PALM2AKAP2: variants seen among roughly 807,000 people sequenced by gnomAD.
The protein encoded by PALM2AKAP2 is PALM2 and AKAP2 fusion.
Under a neutral mutation model 71.5 loss-of-function variants are expected in PALM2AKAP2, and 37 were observed. That is an observed-to-expected ratio of 0.52 (90% CI 0.40 to 0.68). PALM2AKAP2 has a LOEUF of 0.68. PALM2AKAP2 is among the 30% of genes least tolerant of loss of function. The pLI is 0.00. For synonymous variants in PALM2AKAP2, 468 were observed against 478.8 expected (o/e 0.98, Z 0.29); for missense variants, 1,224 against 1,191.8 (o/e 1.03, Z -0.40).
intron 3 of PALM2AKAP2, among the ~76,000 whole-genome samples, chr9:109,909,007 C>T (rs140577658): frequency 3.3e-5 from 5 of 152,310 alleles, no homozygotes; most frequent in African/African-American, 1.2e-4. Flanking sequence ...ACTCAGAGAG[C>T]GTCACAGGGC....
chr9:110,006,408 G>T (rs1165085129), intron 6 of PALM2AKAP2, among the ~76,000 whole-genome samples: 3 of 140,564 alleles, frequency 2.1e-5, no homozygotes, highest in Non-Finnish European at 4.5e-5. Context: ...CTGTCATGCA[G>T]TGTTGCAAAC....
At chr9:109,785,063 A>G (rs1422294303) in intron 1 of PALM2AKAP2, among the ~76,000 whole-genome samples, 1 of 152,210 alleles carries the variant, frequency 6.6e-6, no homozygotes, top group East Asian at 1.9e-4. Context: ...AGAGGAAGAT[A>G]GTTTTCTTTG....
At chr9:109,837,930 G>T (rs561522055) in intron 1 of PALM2AKAP2, among the ~76,000 whole-genome samples, 128 of 152,160 alleles carry the variant, frequency 8.4e-4, no homozygotes, top group Non-Finnish European at 2.8e-4. Context: ...AATAATAATG[G>T]GAGACTTTAA....
chr9:110,165,977 T>A (rs1836724412), intron 3 of PALM2AKAP2, among the ~76,000 whole-genome samples: 1 of 152,226 alleles, frequency 6.6e-6, no homozygotes, highest in Non-Finnish European at 1.5e-5. Context: ...TTTAGAACTT[T>A]AGATTTATTT....
intron 6 of PALM2AKAP2, among the ~76,000 whole-genome samples, chr9:110,015,312 G>T (rs553328761): frequency 2.0e-5 from 3 of 152,262 alleles, no homozygotes; most frequent in African/African-American, 7.2e-5. Flanking sequence ...AGAAGAGTTC[G>T]TGGAGAAGAA....
chr9:109,940,227 G>T (rs1831327478), intron 6 of PALM2AKAP2, among the ~76,000 whole-genome samples: 1 of 152,168 alleles, frequency 6.6e-6, no homozygotes, highest in Admixed American at 6.5e-5. Context: ...ACCCTCAAAA[G>T]ATCCTAAAAA....
At chr9:110,086,739 A>G (rs1834583549) in intron 1 of PALM2AKAP2, among the ~76,000 whole-genome samples, 1 of 152,224 alleles carries the variant, frequency 6.6e-6, no homozygotes, top group South Asian at 2.1e-4. Context: ...TCCCTGTCCT[A>G]CAGAGTGTAT....
chr9:109,647,427 C>T (rs935357213), intron 1 of PALM2AKAP2, among the ~76,000 whole-genome samples: 1 of 152,178 alleles, frequency 6.6e-6, no homozygotes, highest in African/African-American at 2.4e-5. Flanking sequence ...ACATCCTTGT[C>T]CACACTGCAA....
chr9:109,709,641 G>A (rs1462165505), intron 1 of PALM2AKAP2, among the ~76,000 whole-genome samples: 1 of 152,146 alleles, frequency 6.6e-6, no homozygotes, highest in Non-Finnish European at 1.5e-5. Context: ...GCTGTCAGGG[G>A]CCCAGGCATG....
intron 2 of PALM2AKAP2, among the ~76,000 whole-genome samples, chr9:109,868,537 G>T (rs1829520312): frequency 6.6e-6 from 1 of 152,124 alleles, no homozygotes; most frequent in South Asian, 2.1e-4. Context: ...GAATTATCTA[G>T]ATTTTTTTCA....
chr9:109,977,223 C>A (rs1474841693), intron 6 of PALM2AKAP2, among the ~76,000 whole-genome samples: 2 of 152,192 alleles, frequency 1.3e-5, no homozygotes, highest in Non-Finnish European at 2.9e-5. Context: ...CCAGGGAATA[C>A]AAGTACAGGA....
chr9:109,851,200 C>CAA (rs1227678826), intron 1 of PALM2AKAP2, among the ~76,000 whole-genome samples: 11 of 46,746 alleles, frequency 2.4e-4, no homozygotes, highest in African/African-American at 9.3e-4. Flanking sequence ...ACAACAACAA[C>CAA]AACAACAACA....
chr9:110,070,325 G>A (rs1834175451), intron 1 of PALM2AKAP2, among the ~76,000 whole-genome samples: 1 of 152,200 alleles, frequency 6.6e-6, no homozygotes, highest in Non-Finnish European at 1.5e-5. Flanking sequence ...GGGGAGAGGG[G>A]AGATCTTCTC....
intron 2 of PALM2AKAP2, among the ~76,000 whole-genome samples, chr9:110,145,890 T>A (rs1836154066): frequency 7.5e-6 from 1 of 134,200 alleles, no homozygotes; most frequent in South Asian, 2.5e-4. Context: ...GCCTCACTCT[T>A]CTTTTTTTTT....
At chr9:109,809,912 A>C (rs1827683023) in intron 1 of PALM2AKAP2, among the ~76,000 whole-genome samples, 1 of 152,192 alleles carries the variant, frequency 6.6e-6, no homozygotes, top group Non-Finnish European at 1.5e-5. Context: ...GAAGAAGGAC[A>C]TGTTTGCTTC....
intron 1 of PALM2AKAP2, among the ~76,000 whole-genome samples, chr9:109,721,752 G>T (rs754105009): frequency 6.6e-6 from 1 of 152,188 alleles, no homozygotes; most frequent in Non-Finnish European, 1.5e-5. Flanking sequence ...AGCCTACATG[G>T]CAGTGGAGAT....
intron 1 of PALM2AKAP2, among the ~76,000 whole-genome samples, chr9:109,748,277 C>T (rs1210600143): frequency 6.6e-6 from 1 of 152,070 alleles, no homozygotes; most frequent in Non-Finnish European, 1.5e-5. Context: ...TCCATCTGGA[C>T]TTGGTGAATT....
intron 1 of PALM2AKAP2, among the ~76,000 whole-genome samples, chr9:109,647,002 C>A (rs1483190964): frequency 6.6e-6 from 1 of 152,168 alleles, no homozygotes; most frequent in African/African-American, 2.4e-5. Flanking sequence ...AAGTAAATAT[C>A]CCCATTTTCC....
At chr9:110,124,932 A>C (rs1835563924) in intron 1 of PALM2AKAP2, among the ~76,000 whole-genome samples, 2 of 152,222 alleles carry the variant, frequency 1.3e-5, no homozygotes, top group African/African-American at 4.8e-5. Context: ...AATGATATTA[A>C]ATATGTATTT....
Sources: gnomAD v4.1 joint callset for allele counts (sites outside exome capture counted in the v4.1 genomes callset) on GRCh38, gnomAD v4.1.1 for gene constraint, MANE v1.5 for transcripts, NCBI Gene and HGNC (gene_info 2026-07-23, HGNC 2026-07-21) for gene names.